The following TAFA1 variants were observed in gnomAD, a reference collection of about 807,000 sequenced individuals.
TAFA1 encodes the protein chemokine-like protein TAFA-1.
Under a neutral mutation model 18.5 loss-of-function variants are expected in TAFA1, and 4 were observed. The ratio of observed to expected loss-of-function variants is 0.22; its 90% CI spans 0.11 to 0.49. The LOEUF is 0.49. TAFA1 is among the 20% of genes least tolerant of loss of function. TAFA1 has a pLI of 0.98. For synonymous variants in TAFA1, 56 were observed against 55.2 expected, an observed-to-expected ratio of 1.01 and a Z score of -0.06; for missense variants, 147 against 169.0, an observed-to-expected ratio of 0.87 and a Z score of 0.72.
chr3:68,417,493 C>T (rs546561248), intron 3 of TAFA1, 73 bp downstream of exon 3: 1 of 1,410,444 alleles, frequency 7.1e-7, no homozygotes, highest in Admixed American at 2.0e-5. Flanking sequence ...CTTGTTTTAT[C>T]TAATATGGTT....
chr3:68,047,107 A>G (rs577690381), intron 2 of TAFA1, among the ~76,000 whole-genome samples: 1 of 152,182 alleles, frequency 6.6e-6, no homozygotes, highest in East Asian at 1.9e-4. Context: ...TCTCATCCCC[A>G]TGAGGGTAGG....
chr3:68,367,278 T>A lies in TAFA1; in HGVS notation c.119-50002T>A, dbSNP rs569022645. On this transcript the variant is annotated intron_variant, in intron 2 of 4. Transcript: ENST00000478136. ...AAATCAGAATTCTTGTAAATGACAGTGTCATTCTTCAGTAATCTCAACCTG... is the reference window on the plus strand; with the variant it reads ...AAATCAGAATTCTTGTAAATGACAGAGTCATTCTTCAGTAATCTCAACCTG... Among the ~76,000 whole-genome samples the A allele has an allele frequency of 2.9e-4, 44 of 152,314 alleles. No individual in the cohort carries two copies. The South Asian group carries it at 8.1e-3, about 28-fold the overall frequency.
intron 2 of TAFA1, among the ~76,000 whole-genome samples, chr3:68,213,641 A>G (rs1258571261): frequency 6.6e-6 from 1 of 152,064 alleles, no homozygotes; most frequent in Admixed American, 6.6e-5. Context: ...CATAAATTCC[A>G]CACCCAGCCA....
intron 2 of TAFA1, among the ~76,000 whole-genome samples, chr3:68,036,456 A>T (rs1705051070): frequency 7.2e-6 from 1 of 138,846 alleles, no homozygotes; most frequent in Non-Finnish European, 1.6e-5. Context: ...AAAAAAAAAA[A>T]GGAATTTTAC....
At chr3:68,098,985 C>T (rs534100920) in intron 2 of TAFA1, among the ~76,000 whole-genome samples, 1 of 152,186 alleles carries the variant, frequency 6.6e-6, no homozygotes, top group East Asian at 1.9e-4. Flanking sequence ...TCCTACTTCT[C>T]ACCATATACA....
At chr3:68,057,271 G>C (rs2064548584) in intron 2 of TAFA1, among the ~76,000 whole-genome samples, 1 of 152,154 alleles carries the variant, frequency 6.6e-6, no homozygotes, top group Non-Finnish European at 1.5e-5. Flanking sequence ...TCTATGTTAT[G>C]GGGCCGAATC....
intron 3 of TAFA1, among the ~76,000 whole-genome samples, chr3:68,474,276 A>G (rs555993472): frequency 3.6e-4 from 55 of 152,268 alleles, no homozygotes; most frequent in African/African-American, 1.3e-3. Flanking sequence ...TATTTTCACC[A>G]CTATACCAGG....
At position 68,443,491 on chromosome 3, in the gene TAFA1, A is replaced by AC. The variant is rs1400409340; in HGVS notation, c.259+26071_259+26072insC. Among the ~76,000 whole-genome samples the AC allele has an allele frequency of 2.2e-3, 293 of 132,880 alleles. 2 individuals carry two copies. The highest frequency in any genetic ancestry group is 3.9e-3 in the Middle Eastern group (1 of 254). The allele number at this position is 132,880 out of a possible 152,430, so 87.2% of individuals were successfully genotyped here. ...CAATTTACAAAAAAAAAAAAAAAAAAAAAAACAAAAAAAAAGAGGTTTGTT... is the reference window on the plus strand; with the variant it reads ...CAATTTACAAAAAAAAAAAAAAAAAACAAAAACAAAAAAAAAGAGGTTTGTT... On this transcript the variant is annotated intron_variant, in intron 3 of 4. Coordinates refer to ENST00000478136, the MANE Select transcript of TAFA1 (RefSeq NM_213609.4).
chr3:68,078,122 G>A (rs1250397829), intron 2 of TAFA1, among the ~76,000 whole-genome samples: 2 of 151,868 alleles, frequency 1.3e-5, no homozygotes, highest in East Asian at 1.9e-4. Flanking sequence ...GTCTGTTGTT[G>A]GTGTATAAGA....
intron 2 of TAFA1, among the ~76,000 whole-genome samples, chr3:68,156,938 A>G (rs923849653): frequency 3.3e-5 from 5 of 152,178 alleles, no homozygotes; most frequent in Non-Finnish European, 7.4e-5. Flanking sequence ...AGATATCCTA[A>G]TTCTGTCGCC....
At chr3:68,305,593 G>T (rs2068402946) in intron 2 of TAFA1, among the ~76,000 whole-genome samples, 1 of 151,078 alleles carries the variant, frequency 6.6e-6, no homozygotes, top group South Asian at 2.1e-4. Flanking sequence ...AGATCTCTGG[G>T]AATTATAGGG....
chr3:68,406,007 T>C (rs190668630), intron 2 of TAFA1, among the ~76,000 whole-genome samples: 1 of 152,244 alleles, frequency 6.6e-6, no homozygotes, highest in Non-Finnish European at 1.5e-5. Context: ...TTACTTTTCA[T>C]ATACAATCTC....
At chr3:68,150,277 A>C (rs888961771) in intron 2 of TAFA1, among the ~76,000 whole-genome samples, 2 of 152,168 alleles carry the variant, frequency 1.3e-5, no homozygotes, top group African/African-American at 4.8e-5. Flanking sequence ...TGTTTCCTAC[A>C]CTTCTCTGTT....
At chr3:68,236,564 A>G (rs1359608066) in intron 2 of TAFA1, among the ~76,000 whole-genome samples, 2 of 152,242 alleles carry the variant, frequency 1.3e-5, no homozygotes. Flanking sequence ...GACGTTCGCT[A>G]ACCAACTGCA....
At chr3:68,311,278 T>A (rs949757129) in intron 2 of TAFA1, among the ~76,000 whole-genome samples, 1 of 151,670 alleles carries the variant, frequency 6.6e-6, no homozygotes, top group South Asian at 2.1e-4. Flanking sequence ...AGCCAAACCA[T>A]ATCATTCTGC....
intron 2 of TAFA1, among the ~76,000 whole-genome samples, chr3:68,324,412 G>A (rs148059689): frequency 7.2e-5 from 11 of 152,192 alleles, no homozygotes; most frequent in East Asian, 1.9e-4. Context: ...AAAAAGCCCC[G>A]AAGCATACTA....
At chr3:68,023,933 C>T (rs567641801) in intron 2 of TAFA1, among the ~76,000 whole-genome samples, 2 of 152,240 alleles carry the variant, frequency 1.3e-5, no homozygotes, top group South Asian at 4.1e-4. Flanking sequence ...AAGGGTCTTG[C>T]TTGCTTACTC....
intron 2 of TAFA1, among the ~76,000 whole-genome samples, chr3:68,201,319 G>A (rs896242682): frequency 1.3e-5 from 2 of 151,670 alleles, no homozygotes; most frequent in African/African-American, 4.8e-5. Context: ...CTTTGTGAGT[G>A]TTTCATGTGA....
chr3:67,993,207 T>G, the TAFA1 span, among the ~76,000 whole-genome samples: 2 of 152,250 alleles, frequency 1.3e-5, no homozygotes, highest in Admixed American at 6.5e-5. Flanking sequence ...TCCCTGGATA[T>G]TCTTTAAAGG....
Sources: allele counts gnomAD v4.1 joint callset (sites outside exome capture counted in the v4.1 genomes callset), GRCh38; gene constraint gnomAD v4.1.1; transcripts MANE v1.5; gene names NCBI Gene and HGNC (gene_info 2026-07-23, HGNC 2026-07-21).